LRMDA: variants seen among roughly 807,000 people sequenced by gnomAD.
LRMDA encodes leucine-rich melanocyte differentiation-associated protein.
LRMDA carries 18 observed loss-of-function variants against 29.8 expected under a neutral mutation model. That is an observed-to-expected ratio of 0.60 (90% CI 0.42 to 0.90). LRMDA has a LOEUF of 0.90. Ranked by LOEUF, LRMDA falls within the 40% of genes least tolerant of loss-of-function variation. The probability of loss-of-function intolerance (pLI) is 0.00; values close to 1 mark genes in which losing one functional copy is unlikely to be tolerated. For missense variants in LRMDA, 273 were observed against 273.9 expected (o/e 1.00, Z 0.02); for synonymous variants, 125 against 109.4 (o/e 1.14, Z -0.89).
rs1248638210 is a variant in LRMDA at position 76,558,123 on chromosome 10, A to ACTC, written c.*836_*838dup. 1 of 151,880 alleles carries ACTC rather than the reference A, an allele frequency of 6.6e-6. No homozygotes were observed. Among genetic ancestry groups the ACTC allele is most frequent in the East Asian group, 1.9e-4 (1 of 5,176 alleles). 9.4% of individuals were successfully genotyped at this position (151,880 alleles called of 1,614,324 possible). A position where few individuals can be genotyped will look rare whatever the true frequency, so the allele number is the denominator to read the frequency against. ...GCATGAGGGTTTGGTTGCACCAGGGACTCTTATTTATTAATTTATTTTTAA... is the reference window on the plus strand; with the variant it reads ...GCATGAGGGTTTGGTTGCACCAGGGACTCCTCTTATTTATTAATTTATTTTTAA... On this transcript the variant is annotated 3_prime_UTR_variant, in exon 7 of 7. Coordinates refer to ENST00000611255, the MANE Select transcript of LRMDA (RefSeq NM_001305581.2).
At chr10:75,657,991 C>A (rs539885850) in intron 2 of LRMDA, among the ~76,000 whole-genome samples, 1 of 152,234 alleles carries the variant, frequency 6.6e-6, no homozygotes, top group South Asian at 2.1e-4. Context: ...AATGTGGACC[C>A]TGCTGGATGC....
intron 2 of LRMDA, among the ~76,000 whole-genome samples, chr10:75,875,412 A>G (rs1845179547): frequency 6.6e-6 from 1 of 152,046 alleles, no homozygotes; most frequent in Admixed American, 6.6e-5. Flanking sequence ...CCATTTGGCC[A>G]TTTCTTTCCT....
intron 2 of LRMDA, among the ~76,000 whole-genome samples, chr10:76,008,924 C>T (rs1216498104): frequency 2.0e-5 from 3 of 152,100 alleles, no homozygotes; most frequent in Admixed American, 6.5e-5. Context: ...TAGCCAATCC[C>T]CTTATTTTTT....
At chr10:76,507,841 T>C in intron 6 of LRMDA, among the ~76,000 whole-genome samples, 1 of 152,114 alleles carries the variant, frequency 6.6e-6, no homozygotes, top group Non-Finnish European at 1.5e-5. Context: ...TCTATTTTTT[T>C]CCATTGGTCT....
At chr10:76,248,035 C>T (rs1852407081) in intron 5 of LRMDA, among the ~76,000 whole-genome samples, 1 of 152,134 alleles carries the variant, frequency 6.6e-6, no homozygotes, top group African/African-American at 2.4e-5. Context: ...CTCGTGAATC[C>T]AGCCGTCTTC....
At chr10:76,370,913 C>T (rs961534983) in intron 6 of LRMDA, among the ~76,000 whole-genome samples, 4 of 152,058 alleles carry the variant, frequency 2.6e-5, no homozygotes, top group Non-Finnish European at 5.9e-5. Flanking sequence ...CATTAGTGGT[C>T]CTGATGTGTC....
intron 2 of LRMDA, chr10:75,883,586 C>T (rs867236912): frequency 6.6e-5 from 10 of 151,976 alleles, no homozygotes; most frequent in Non-Finnish European, 8.8e-5. Context: ...CAGGGGTGGG[C>T]GTTGGTTATC....
chr10:75,847,925 G>A (rs1844668398), intron 2 of LRMDA, among the ~76,000 whole-genome samples: 1 of 152,302 alleles, frequency 6.6e-6, no homozygotes, highest in South Asian at 2.1e-4. Context: ...GTACTGCTAA[G>A]GATATGGAGA....
chr10:76,485,493 C>T (rs1476020688), intron 6 of LRMDA, among the ~76,000 whole-genome samples: 5 of 151,764 alleles, frequency 3.3e-5, no homozygotes, highest in South Asian at 2.1e-4. Context: ...GTGTTATCAC[C>T]GAATACAGTG....
At chr10:75,703,093 A>T (rs2132171052) in intron 2 of LRMDA, among the ~76,000 whole-genome samples, 1 of 152,294 alleles carries the variant, frequency 6.6e-6, no homozygotes, top group East Asian at 1.9e-4. Context: ...TTTGGATGTA[A>T]ACTCATTTTT....
At chr10:75,515,946 C>T (rs1463255096) in intron 2 of LRMDA, among the ~76,000 whole-genome samples, 2 of 152,086 alleles carry the variant, frequency 1.3e-5, no homozygotes, top group African/African-American at 4.8e-5. Flanking sequence ...TGAGTGAGAA[C>T]ATGTAGTGTT....
At chr10:75,739,458 C>T (rs1044294481) in intron 2 of LRMDA, among the ~76,000 whole-genome samples, 5 of 152,124 alleles carry the variant, frequency 3.3e-5, no homozygotes, top group Admixed American at 6.5e-5. Flanking sequence ...GTGAGACTGA[C>T]GGGAAATCAA....
Position 76,039,744 on chromosome 10 carries a change from G to A in LRMDA, c.258+3610G>A, listed in dbSNP as rs79731580. 7.1e-3 allele frequency among the ~76,000 whole-genome samples: 1,076 copies of A among 152,274 alleles called. 15 individuals carry two copies. Among genetic ancestry groups the A allele is most frequent in the African/African-American group, 0.025 (1,021 of 41,560 alleles). On this transcript the variant is annotated intron_variant, in intron 3 of 6. Transcript: ENST00000611255. The stretch of plus-strand genomic sequence containing the variant: ...ACATCTCTATGTTTTGGTTTCCTTT[G>A]AAAATGCAGACAATGCTAGTACCCA...
chr10:75,818,395 T>G (rs1294091492), intron 2 of LRMDA, among the ~76,000 whole-genome samples: 2 of 152,228 alleles, frequency 1.3e-5, no homozygotes, highest in Admixed American at 6.5e-5. Flanking sequence ...GTATTTTGTT[T>G]TTACTCTTGG....
chr10:75,942,007 G>GTGGATTTGTAATCACAGCGTGTA (rs1441544987), intron 2 of LRMDA, among the ~76,000 whole-genome samples: 4 of 152,084 alleles, frequency 2.6e-5, no homozygotes, highest in African/African-American at 9.7e-5. Context: ...TACATTTTGT[G>GTGGATTTGTAATCACAGCGTGTA]TGGATTTGTA....
At chr10:76,390,288 T>C (rs1384272100) in intron 6 of LRMDA, among the ~76,000 whole-genome samples, 1 of 152,170 alleles carries the variant, frequency 6.6e-6, no homozygotes, top group Non-Finnish European at 1.5e-5. Context: ...ATACTTTCTT[T>C]GGGGCAATGT....
chr10:75,452,575 C>CTTTTT lies in LRMDA; in HGVS notation c.131+14095_131+14099dup, dbSNP rs10636455. On this transcript the variant is annotated intron_variant, in intron 2 of 6. Coordinates refer to ENST00000611255, the MANE Select transcript of LRMDA (RefSeq NM_001305581.2). ...AAAACTCAGTGATTTCAGGATATGA[C>CTTTTT]TTTTTTTTTTTTTTTTTTAATGTAT... 8.9e-3 allele frequency among the ~76,000 whole-genome samples: 1,046 copies of CTTTTT among 117,288 alleles called. 42 individuals are homozygous for CTTTTT. Among genetic ancestry groups the CTTTTT allele is most frequent in the Non-Finnish European group, 0.012 (716 of 59,356 alleles). The allele number at this position is 117,288 out of a possible 152,430, so 76.9% of individuals were successfully genotyped here.
chr10:75,662,521 T>C (rs970883063), intron 2 of LRMDA, among the ~76,000 whole-genome samples: 1 of 152,184 alleles, frequency 6.6e-6, no homozygotes, highest in African/African-American at 2.4e-5. Context: ...TAGTGAAAAG[T>C]CACCTAATTA....
chr10:76,391,817 G>A (rs146276510), intron 6 of LRMDA, among the ~76,000 whole-genome samples: 3 of 152,192 alleles, frequency 2.0e-5, no homozygotes, highest in African/African-American at 4.8e-5. Context: ...TTTTTTGCAT[G>A]AATAGGTTAG....
Sources: allele counts gnomAD v4.1 joint callset (sites outside exome capture counted in the v4.1 genomes callset), GRCh38; gene constraint gnomAD v4.1.1; transcripts MANE v1.5; gene names NCBI Gene and HGNC (gene_info 2026-07-23, HGNC 2026-07-21).